KIAA1549L: variants seen among roughly 807,000 people sequenced by gnomAD.
The protein encoded by KIAA1549L is KIAA1549 like, also known as UPF0606 protein KIAA1549L.
Under a neutral mutation model 160.7 loss-of-function variants are expected in KIAA1549L, and 88 were observed. The observed-to-expected ratio is 0.55, with a 90% CI of 0.46 to 0.65. The LOEUF (loss-of-function observed/expected upper bound fraction) is 0.65. Among genes scored for constraint, KIAA1549L ranks in the 30% least tolerant of loss-of-function variants. KIAA1549L has a pLI of 0.00. For synonymous variants in KIAA1549L, 950 were observed against 976.7 expected, an observed-to-expected ratio of 0.97 and a Z score of 0.51; for missense variants, 2,258 against 2,437.5, an observed-to-expected ratio of 0.93 and a Z score of 1.55.
intron 1 of KIAA1549L, among the ~76,000 whole-genome samples, chr11:33,435,775 T>C (rs12792138): frequency 0.04 from 255 of 6,434 alleles, 14 homozygotes; most frequent in East Asian, 0.085. Flanking sequence ...TATATATATA[T>C]ATATATATAT....
At chr11:33,665,379 T>A (rs74752346) in intron 20 of KIAA1549L, 1 of 151,868 alleles carries the variant, frequency 6.6e-6, no homozygotes, top group Non-Finnish European at 1.5e-5. Context: ...CTCATTCCAC[T>A]GTCTGCTGCT....
At chr11:33,557,644 T>C (rs1854693030) in intron 6 of KIAA1549L, among the ~76,000 whole-genome samples, 1 of 152,132 alleles carries the variant, frequency 6.6e-6, no homozygotes, top group African/African-American at 2.4e-5. Context: ...CCCAGTACTT[T>C]GGGAGGCTGG....
At chr11:33,467,354 A>G (rs909981987) in intron 1 of KIAA1549L, among the ~76,000 whole-genome samples, 15 of 152,340 alleles carry the variant, frequency 9.8e-5, no homozygotes, top group African/African-American at 3.6e-4. Flanking sequence ...ACAGAACACA[A>G]GCACACACAT....
intron 19 of KIAA1549L, among the ~76,000 whole-genome samples, chr11:33,659,681 T>C (rs1270287270): frequency 6.6e-6 from 1 of 152,204 alleles, no homozygotes; most frequent in Non-Finnish European, 1.5e-5. Context: ...ACCAGTGAAG[T>C]CCATTTCTTT....
At chr11:33,502,850 C>T (rs1193977069) in intron 1 of KIAA1549L, among the ~76,000 whole-genome samples, 2 of 152,134 alleles carry the variant, frequency 1.3e-5, no homozygotes, top group East Asian at 1.9e-4. Context: ...GGAGATAAAA[C>T]GTAACCTTGT....
chr11:33,454,576 T>C (rs1851783888), intron 1 of KIAA1549L, among the ~76,000 whole-genome samples: 1 of 152,186 alleles, frequency 6.6e-6, no homozygotes. Flanking sequence ...AGCCTGTGTT[T>C]ATAACAGTGA....
In KIAA1549L at chr11:33,542,616, G is replaced by T. The variant is rs768276043; in HGVS notation, c.1053G>T (p.Leu351=). ...TPGFLSPMAE[L]SHPSPPPPAL... ...GGTTTTTGAGCCCCATGGCAGAACT[G>T]TCCCATCCGTCTCCCCCTCCCCCAG... The change falls in exon 2 of 21, where the codon CTG becomes CTT. Residue 351 remains leucine, a synonymous_variant. Transcript: ENST00000658780. 3 of 1,613,896 alleles carry T rather than the reference G, an allele frequency of 1.9e-6. No individual in the cohort carries two copies. The highest frequency in any genetic ancestry group is 2.5e-6 in the Non-Finnish European group (3 of 1,179,878).
At chr11:33,380,131 C>T (rs1447784726) in intron 1 of KIAA1549L, among the ~76,000 whole-genome samples, 1 of 152,106 alleles carries the variant, frequency 6.6e-6, no homozygotes, top group Admixed American at 6.5e-5. Flanking sequence ...TCCTCAGCAC[C>T]CTGTCTGCAT....
rs1850601527 is a variant in KIAA1549L at position 33,609,831 on chromosome 11, A to G, written c.5144A>G (p.Tyr1715Cys). 6.2e-7 allele frequency: 1 copy of G among 1,613,796 alleles called. No individual in the cohort carries two copies. Among genetic ancestry groups the G allele is most frequent in the African/African-American group, 1.3e-5 (1 of 74,922 alleles). ...LRLKAKRKGY[Y>C]DFPAVETSKG... ...CTCAAAGCCAAGAGGAAGGGATATT[A>G]CGACTTCCCTGCAGTGGAGACGAGC... is the stretch of plus-strand genomic sequence containing the variant. Residue 1715 changes from tyrosine to cysteine, a missense_variant, in exon 15 of 21, where the codon TAC becomes TGC. Tyr to Cys is a radical substitution (Grantham distance 194). Transcript: ENST00000658780.
At chr11:33,461,782 A>C (rs1420107015) in intron 1 of KIAA1549L, among the ~76,000 whole-genome samples, 1 of 152,206 alleles carries the variant, frequency 6.6e-6, no homozygotes, top group African/African-American at 2.4e-5. Flanking sequence ...GGAGGTGTAT[A>C]TCATTATGCT....
At chr11:33,471,579 C>CAG (rs1852179400) in intron 1 of KIAA1549L, among the ~76,000 whole-genome samples, 1 of 152,298 alleles carries the variant, frequency 6.6e-6, no homozygotes, top group African/African-American at 2.4e-5. Context: ...TTAGAAGTCT[C>CAG]ATTCAGGTTT....
chr11:33,523,844 A>T (rs1853552339), intron 1 of KIAA1549L, among the ~76,000 whole-genome samples: 1 of 152,212 alleles, frequency 6.6e-6, no homozygotes, highest in South Asian at 2.1e-4. Flanking sequence ...AGATGTGATC[A>T]CAGGTTTCTG....
At chr11:33,524,524 C>T (rs576820675) in intron 1 of KIAA1549L, among the ~76,000 whole-genome samples, 67 of 139,054 alleles carry the variant, frequency 4.8e-4, no homozygotes, top group African/African-American at 1.8e-3. Flanking sequence ...TTTACTATTT[C>T]TAATTTTTAT....
chr11:33,583,613 A>G, intron 11 of KIAA1549L, 112 bp downstream of exon 11: 1 of 968,554 alleles, frequency 1.0e-6, no homozygotes, highest in African/African-American at 1.6e-5. Context: ...ACATCAGGGC[A>G]GGTCCTCATT....
At chr11:33,394,418 T>TAAAC (rs1554973190) in intron 1 of KIAA1549L, among the ~76,000 whole-genome samples, 16 of 24,288 alleles carry the variant, frequency 6.6e-4, no homozygotes, top group Middle Eastern at 0.02. Flanking sequence ...AATAAATAAA[T>TAAAC]AAACAAACAA....
intron 10 of KIAA1549L, among the ~76,000 whole-genome samples, chr11:33,581,565 A>T (rs188321762): frequency 6.6e-6 from 1 of 152,216 alleles, no homozygotes; most frequent in African/African-American, 2.4e-5. Context: ...TCATCAGCAT[A>T]TTGGGGATGA....
chr11:33,556,050 AC>A (rs1401893881), intron 6 of KIAA1549L, among the ~76,000 whole-genome samples: 1 of 152,252 alleles, frequency 6.6e-6, no homozygotes, highest in Non-Finnish European at 1.5e-5. Context: ...TGACTTAAGC[AC>A]ATGACAAGAT....
At chr11:33,477,533 A>C (rs1852317003) in intron 1 of KIAA1549L, among the ~76,000 whole-genome samples, 1 of 151,740 alleles carries the variant, frequency 6.6e-6, no homozygotes, top group Non-Finnish European at 1.5e-5. Flanking sequence ...ACACACACAC[A>C]CACACACACG....
At chr11:33,608,743 G>T (rs937032630) in intron 14 of KIAA1549L, among the ~76,000 whole-genome samples, 15 of 152,204 alleles carry the variant, frequency 9.9e-5, no homozygotes, top group Non-Finnish European at 1.5e-4. Flanking sequence ...TCCAGAAATG[G>T]ATGCTGTATT....
Sources: allele counts gnomAD v4.1 joint callset (sites outside exome capture counted in the v4.1 genomes callset), GRCh38; gene constraint gnomAD v4.1.1; transcripts MANE v1.5; gene names NCBI Gene and HGNC (gene_info 2026-07-23, HGNC 2026-07-21).